GTF3C1: variants seen among roughly 807,000 people sequenced by gnomAD.
The protein encoded by GTF3C1 is general transcription factor IIIC subunit 1.
GTF3C1 carries 57 observed loss-of-function variants against 226.7 expected under a neutral mutation model. That is an observed-to-expected ratio of 0.25 (90% CI 0.20 to 0.31). The LOEUF is 0.31. Ranked by LOEUF, GTF3C1 falls within the 10% of genes least tolerant of loss-of-function variation. The probability of loss-of-function intolerance (pLI) is 1.00; values close to 1 mark genes in which losing one functional copy is unlikely to be tolerated. For missense variants in GTF3C1, 2,217 were observed against 2,776.1 expected (o/e 0.80, Z 4.53); for synonymous variants, 1,090 against 1,084.8 (o/e 1.00, Z -0.09).
At chr16:27,547,194 G>A (rs1567419564) in intron 1 of GTF3C1, among the ~76,000 whole-genome samples, 1 of 152,098 alleles carries the variant, frequency 6.6e-6, no homozygotes, top group Non-Finnish European at 1.5e-5. Flanking sequence ...GTGCACTGCA[G>A]AGCTATATCT....
At chr16:27,467,322 A>G (rs2141344376) in intron 32 of GTF3C1, among the ~76,000 whole-genome samples, 1 of 152,352 alleles carries the variant, frequency 6.6e-6, no homozygotes, top group South Asian at 2.1e-4. Flanking sequence ...TAAACAGAAC[A>G]GCAAAGCTGG....
At chr16:27,481,724 G>A (rs1318105640) in intron 26 of GTF3C1, among the ~76,000 whole-genome samples, 4 of 152,082 alleles carry the variant, frequency 2.6e-5, no homozygotes, top group African/African-American at 9.7e-5. Context: ...GTATGCTCCC[G>A]CTCCTCCCTG....
chr16:27,549,594 C>A, intron 1 of GTF3C1, 76 bp downstream of exon 1: 3 of 790,352 alleles, frequency 3.8e-6, no homozygotes, highest in Non-Finnish European at 6.1e-6. Context: ...TCCATTCCCC[C>A]GCCCTGCCCC....
intron 32 of GTF3C1, among the ~76,000 whole-genome samples, chr16:27,466,669 G>A (rs1395176308): frequency 6.6e-6 from 1 of 152,206 alleles, no homozygotes; most frequent in Non-Finnish European, 1.5e-5. Context: ...TGAAAACTGG[G>A]CCTCTTGTGC....
At chr16:27,520,529 C>T (rs1257125890) in intron 6 of GTF3C1, among the ~76,000 whole-genome samples, 1 of 152,150 alleles carries the variant, frequency 6.6e-6, no homozygotes, top group Non-Finnish European at 1.5e-5. Flanking sequence ...TTTTTAGTGC[C>T]TCTAGACAAG....
intron 4 of GTF3C1, among the ~76,000 whole-genome samples, chr16:27,534,161 T>TC (rs1262159400): frequency 6.6e-6 from 1 of 152,190 alleles, no homozygotes; most frequent in African/African-American, 2.4e-5. Context: ...ACTCTGAAGC[T>TC]CCGGTTCCTG....
chr16:27,502,314 G>A (rs1403536133), intron 11 of GTF3C1, among the ~76,000 whole-genome samples: 9 of 152,222 alleles, frequency 5.9e-5, no homozygotes, highest in Admixed American at 5.2e-4. Context: ...CACATTGGGT[G>A]CCTCAGAAGC....
chr16:27,478,642 A>C, intron 27 of GTF3C1, 111 bp from the exon 28 acceptor site: 1 of 796,354 alleles, frequency 1.3e-6, no homozygotes, highest in Non-Finnish European at 2.3e-6. Flanking sequence ...GAGTGGGAGA[A>C]ATGTTAAACT....
At chr16:27,544,003 A>T (rs1371088181) in intron 2 of GTF3C1, among the ~76,000 whole-genome samples, 1 of 152,154 alleles carries the variant, frequency 6.6e-6, no homozygotes, top group Non-Finnish European at 1.5e-5. Flanking sequence ...GAGTCAAAGA[A>T]ACAGCCAGTT....
At chr16:27,521,155 A>G (rs964923692) in intron 6 of GTF3C1, among the ~76,000 whole-genome samples, 1 of 152,186 alleles carries the variant, frequency 6.6e-6, no homozygotes, top group Non-Finnish European at 1.5e-5. Context: ...TCACTGAGAA[A>G]CATCCAGTCC....
chr16:27,489,940 A>G (rs956724852), intron 19 of GTF3C1, among the ~76,000 whole-genome samples, 197 bp from the exon 20 acceptor site: 1 of 152,340 alleles, frequency 6.6e-6, no homozygotes, highest in African/African-American at 2.4e-5. Flanking sequence ...ACAGAGGAAG[A>G]GAGTTGGAGT....
At chr16:27,515,934 C>A (rs1169201595) in intron 6 of GTF3C1, among the ~76,000 whole-genome samples, 1 of 152,204 alleles carries the variant, frequency 6.6e-6, no homozygotes, top group East Asian at 1.9e-4. Context: ...CCTGTAAGCT[C>A]CATTTCACAG....
chr16:27,507,171 A>G lies in GTF3C1; in HGVS notation c.1243-15T>C. 1 of 1,583,404 alleles carries G rather than the reference A, an allele frequency of 6.3e-7. No homozygotes were observed. Among genetic ancestry groups the G allele is most frequent in the Non-Finnish European group, 8.6e-7 (1 of 1,160,574 alleles). On this transcript the variant is annotated splice_polypyrimidine_tract_variant and intron_variant, in intron 8 of 36. Coordinates refer to ENST00000356183, the MANE Select transcript of GTF3C1 (RefSeq NM_001520.4). The surrounding 1 kb of genome is among the most constrained non-coding windows in gnomAD (Gnocchi z 4.9). ...TCCATGAATCCCTAGAGGGAATAAG[A>G]TGTGTTTATCCCACTGCAAAGAGGG...
At chr16:27,512,221 C>A (rs1265130752) in intron 6 of GTF3C1, among the ~76,000 whole-genome samples, 6 of 152,194 alleles carry the variant, frequency 3.9e-5, no homozygotes. Flanking sequence ...TCCATGACAA[C>A]AGGAGACGCG....
chr16:27,523,893 A>G (rs1596651940), intron 6 of GTF3C1, among the ~76,000 whole-genome samples: 1 of 152,208 alleles, frequency 6.6e-6, no homozygotes, highest in Non-Finnish European at 1.5e-5. Context: ...CTCCTTGTGC[A>G]TGCATGTGAC....
chr16:27,480,709 T>C (rs232060), intron 27 of GTF3C1: 32,324 of 199,356 alleles, frequency 0.16, 2,968 homozygotes, highest in African/African-American at 0.25. Flanking sequence ...TTCTTCCAAA[T>C]GCCGAGTGGT....
At position 27,469,326 on chromosome 16, in the gene GTF3C1, C is replaced by T. The variant is rs2087829934; in HGVS notation, c.5039G>A (p.Arg1680His). 1 of 1,582,932 alleles carries T rather than the reference C, an allele frequency of 6.3e-7. No individual in the cohort carries two copies. The highest frequency in any genetic ancestry group is 8.6e-7 in the Non-Finnish European group (1 of 1,163,974). ...VNSCQMKFQL[R>H]CTPVPARLRP... ...GAGCCGGGCGGGCACAGGGGTGCAG[C>T]GGAGCTGGAACTTCATCTGGCAGGA... is the stretch of plus-strand genomic sequence containing the variant. The change falls in exon 32 of 37, where the codon CGC becomes CAC. Residue 1680 changes from arginine to histidine, a missense_variant. Around this residue, in one of 12 missense-constraint regions of GTF3C1, gnomAD observed 455 missense variants for 441.9 expected, o/e 1.03. Transcript: ENST00000356183. This position sits in a 1 kb window ranked among gnomAD's most constrained non-coding sequence, Gnocchi z 4.5.
rs771024368 is a variant in GTF3C1, at chr16:27,511,798, T to C, written c.1077A>G (p.Pro359=). 7 of 1,614,200 alleles carry C rather than the reference T, an allele frequency of 4.3e-6. No individual in the cohort carries two copies. In the East Asian group the frequency reaches 1.6e-4, roughly 36 times the overall value. ...TATCCCGCTCGAACACAATGTCCAC[T>C]GGAGGCACTGTCTTGGAGATGACCT... ...DEEVISKTVP[P]VDIVFERDML... is the part of the protein sequence containing the mutation. Residue 359 remains proline, a synonymous_variant, in exon 7 of 37, where the codon CCA becomes CCG. Coordinates refer to ENST00000356183, the MANE Select transcript of GTF3C1 (RefSeq NM_001520.4).
At chr16:27,508,410 C>T in intron 8 of GTF3C1, 130 bp downstream of exon 8, 2 of 682,274 alleles carry the variant, frequency 2.9e-6, no homozygotes, top group South Asian at 1.8e-5. Flanking sequence ...GCACTCAGCC[C>T]TGGGGAGGCC....
Sources: allele counts gnomAD v4.1 joint callset (sites outside exome capture counted in the v4.1 genomes callset), GRCh38; gene constraint gnomAD v4.1.1; regional missense constraint gnomAD v4.1.1; non-coding constraint Gnocchi (gnomAD v3.1); transcripts MANE v1.5; gene names NCBI Gene and HGNC (gene_info 2026-07-23, HGNC 2026-07-21).